Variants in CXCL17 observed in about 807,000 individuals in gnomAD.
CXCL17 encodes the protein C-X-C motif chemokine ligand 17.
CXCL17 carries 9 observed loss-of-function variants against 15.5 expected under a neutral mutation model. That is an observed-to-expected ratio of 0.58 (90% confidence interval 0.35 to 1.01). The LOEUF (loss-of-function observed/expected upper bound fraction) is 1.01, where lower values mean the gene tolerates loss of function less well. CXCL17 is among the 50% of genes least tolerant of loss of function. CXCL17 has a pLI of 0.02. For missense variants in CXCL17, 133 were observed against 138.2 expected, an observed-to-expected ratio of 0.96 and a Z score of 0.19; for synonymous variants, 52 against 52.3, an observed-to-expected ratio of 0.99 and a Z score of 0.02.
chr19:42,440,459 G>A (rs1422311505), intron 1 of CXCL17, among the ~76,000 whole-genome samples: 1 of 152,284 alleles, frequency 6.6e-6, no homozygotes, highest in African/African-American at 2.4e-5. Context: ...GCTTGGCTGG[G>A]AAACAAGATT....
intron 1 of CXCL17, among the ~76,000 whole-genome samples, chr19:42,436,859 A>C (rs1388928622): frequency 2.0e-5 from 3 of 152,188 alleles, no homozygotes; most frequent in Non-Finnish European, 4.4e-5. Context: ...GAGAGTTCCC[A>C]AAGTGGAATT....
At chr19:42,433,672 G>T in intron 2 of CXCL17, 104 bp downstream of exon 2, 4 of 932,770 alleles carry the variant, frequency 4.3e-6, no homozygotes, top group Non-Finnish European at 5.2e-6. Context: ...AGGGGAATGG[G>T]TGAGGTCAGC....
intron 1 of CXCL17, among the ~76,000 whole-genome samples, chr19:42,438,396 A>ATG (rs2040857070): frequency 1.8e-5 from 2 of 111,650 alleles, no homozygotes; most frequent in Admixed American, 2.0e-4. Flanking sequence ...ATATATATAT[A>ATG]TATATATATA....
At chr19:42,433,184 A>G (rs140440902) in intron 2 of CXCL17, 107 bp from the exon 3 acceptor site, 10,920 of 721,954 alleles carry the variant, frequency 0.015, 110 homozygotes, top group Middle Eastern at 0.027. Flanking sequence ...TTCCACTGCA[A>G]TGGGGTGGGA....
chr19:42,442,619 A>G (rs2040905710), intron 1 of CXCL17, 135 bp downstream of exon 1: 2 of 620,678 alleles, frequency 3.2e-6, no homozygotes, highest in Non-Finnish European at 5.8e-6. Flanking sequence ...TTTTTTGTAA[A>G]GGAGGAAACT....
chr19:42,429,108 A>G (rs756846408), intron 3 of CXCL17, 127 bp from the exon 4 acceptor site: 303 of 658,998 alleles, frequency 4.6e-4, no homozygotes, highest in Admixed American at 8.9e-4. Context: ...ACTCACTGCA[A>G]CCTCTGCCTC....
chr19:42,440,776 G>T (rs1568623687), intron 1 of CXCL17, among the ~76,000 whole-genome samples: 4 of 152,200 alleles, frequency 2.6e-5, no homozygotes, highest in South Asian at 2.1e-4. Context: ...TGAGTGTAAA[G>T]GTCTAGGTGA....
At chr19:42,432,909 G>A in intron 3 of CXCL17, 67 bp downstream of exon 3, 1 of 1,179,154 alleles carries the variant, frequency 8.5e-7, no homozygotes. Context: ...TATTCTCAAC[G>A]TGCTTCTTCC....
chr19:42,430,021 G>A (rs1177217443), intron 3 of CXCL17, among the ~76,000 whole-genome samples: 2 of 151,698 alleles, frequency 1.3e-5, no homozygotes, highest in Admixed American at 6.6e-5. Flanking sequence ...ACAAAAATTA[G>A]CCAGGCATGG....
chr19:42,437,251 C>G (rs888253545), intron 1 of CXCL17, among the ~76,000 whole-genome samples: 8 of 152,048 alleles, frequency 5.3e-5, no homozygotes, highest in African/African-American at 1.7e-4. Flanking sequence ...TATACTTTTT[C>G]TCTAAACAAA....
intron 1 of CXCL17, among the ~76,000 whole-genome samples, chr19:42,436,084 A>G (rs1471793855): frequency 2.7e-5 from 4 of 149,094 alleles, no homozygotes; most frequent in African/African-American, 5.2e-5. Context: ...TTTCTCCTTC[A>G]CTAGACTCTG....
intron 3 of CXCL17, among the ~76,000 whole-genome samples, chr19:42,430,879 C>A (rs1343535661): frequency 6.6e-6 from 1 of 151,920 alleles, no homozygotes; most frequent in Non-Finnish European, 1.5e-5. Flanking sequence ...ACTCTGTTGT[C>A]CAGGCTGGAG....
intron 1 of CXCL17, 56 bp from the exon 2 acceptor site, chr19:42,433,912 TCCCAGCATTGTTCTA>T: frequency 7.3e-7 from 1 of 1,369,744 alleles, no homozygotes; most frequent in Non-Finnish European, 1.0e-6. Flanking sequence ...GAAATGATCC[TCCCAGCATTGTTCTA>T]CCTAGGTCAG....
At chr19:42,429,306 C>A (rs182197268) in intron 3 of CXCL17, among the ~76,000 whole-genome samples, 2 of 149,478 alleles carry the variant, frequency 1.3e-5, no homozygotes, top group African/African-American at 4.9e-5. Flanking sequence ...GGATTACAGG[C>A]ATGAGCCACC....
chr19:42,435,667 TA>T (rs1448192112), intron 1 of CXCL17, among the ~76,000 whole-genome samples: 1 of 151,810 alleles, frequency 6.6e-6, no homozygotes, highest in African/African-American at 2.4e-5. Flanking sequence ...CTGTCTTTAC[TA>T]AAAATACAAA....
At chr19:42,438,931 G>T (rs1490201898) in intron 1 of CXCL17, among the ~76,000 whole-genome samples, 1 of 152,148 alleles carries the variant, frequency 6.6e-6, no homozygotes, top group Non-Finnish European at 1.5e-5. Context: ...AGTCCATGCT[G>T]ATATAAATAA....
rs907146764 is a variant in CXCL17, at chr19:42,428,804, A to G, written c.*80T>C. 118 of 1,011,216 alleles carry G rather than the reference A, an allele frequency of 1.2e-4. No homozygotes were observed. The highest frequency in any genetic ancestry group is 2.1e-4 in the Middle Eastern group (1 of 4,768). The allele number at this position is 1,011,216 out of a possible 1,614,324, so 62.6% of individuals were successfully genotyped here. On this transcript the variant is annotated 3_prime_UTR_variant, in exon 4 of 4. Coordinates refer to ENST00000601181, the MANE Select transcript of CXCL17 (RefSeq NM_198477.3). ...GGGTACAGTGGGAGAGTGAGGTGGG[A>G]GAAGAAGAGTGTCTGGTAGGTGTGC...
At chr19:42,437,054 C>T (rs769762525) in intron 1 of CXCL17, among the ~76,000 whole-genome samples, 4 of 152,174 alleles carry the variant, frequency 2.6e-5, no homozygotes, top group African/African-American at 9.7e-5. Flanking sequence ...TCTCCTTCCT[C>T]AGCCTCCCAA....
At chr19:42,430,594 C>CAAA (rs537870150) in intron 3 of CXCL17, among the ~76,000 whole-genome samples, 1 of 85,188 alleles carries the variant, frequency 1.2e-5, no homozygotes, top group Non-Finnish European at 2.6e-5. Flanking sequence ...AACTCCATCT[C>CAAA]AAAAAAAAAA....
Sources: gnomAD v4.1 joint callset for allele counts (sites outside exome capture counted in the v4.1 genomes callset) on GRCh38, gnomAD v4.1.1 for gene constraint, MANE v1.5 for transcripts, NCBI Gene and HGNC (gene_info 2026-07-23, HGNC 2026-07-21) for gene names.